Variants in QKI observed in about 807,000 individuals in gnomAD.
The protein encoded by QKI is QKI, KH domain containing RNA binding.
Under a neutral mutation model 39.0 loss-of-function variants are expected in QKI, and 10 were observed. The observed-to-expected ratio is 0.26, with a 90% CI of 0.16 to 0.43. The LOEUF is 0.43. QKI is among the 20% of genes least tolerant of loss of function. The pLI is 1.00. For missense variants in QKI, 218 were observed against 428.0 expected (o/e 0.51, Z 4.33); for synonymous variants, 204 against 155.4 (o/e 1.31, Z -2.33).
intron 1 of QKI, among the ~76,000 whole-genome samples, chr6:163,447,666 C>G (rs879610387): frequency 1.3e-5 from 2 of 151,930 alleles, no homozygotes; most frequent in Non-Finnish European, 2.9e-5. Context: ...TTTGAGGGGA[C>G]AGTAAAAAGG....
intron 7 of QKI, chr6:163,568,388 G>A (rs892202976): frequency 1.1e-5 from 11 of 985,152 alleles, no homozygotes; most frequent in Non-Finnish European, 1.3e-5. Context: ...AGATTTTATT[G>A]TATTTGGAAA....
Position 163,498,048 on chromosome 6 carries a change from C to T in QKI, c.402+19152C>T, listed in dbSNP as rs150974669. On this transcript the variant is annotated intron_variant, in intron 3 of 7. Transcript: ENST00000361752. ...TACTGTATTGCTGTTAGAATAAGAA[C>T]TAAATTTTGTATGATCCTTGAAGAA... Among the ~76,000 whole-genome samples the T allele has an allele frequency of 1.8e-3, 276 of 151,956 alleles. 1 individual carries two copies. Among genetic ancestry groups the T allele is most frequent in the African/African-American group, 6.4e-3 (266 of 41,448 alleles).
chr6:163,427,355 CAAAATT>C (rs2128209674), intron 1 of QKI, among the ~76,000 whole-genome samples: 1 of 138,170 alleles, frequency 7.2e-6, no homozygotes, highest in African/African-American at 2.7e-5. Flanking sequence ...TTCAAAATAA[CAAAATT>C]AATAATATTA....
At chr6:163,535,212 G>A in intron 4 of QKI, 87 bp downstream of exon 4, 2 of 1,278,462 alleles carry the variant, frequency 1.6e-6, no homozygotes, top group South Asian at 2.3e-5. Context: ...ATAAGGAATA[G>A]GTTATTGGTT....
intron 1 of QKI, among the ~76,000 whole-genome samples, chr6:163,437,508 A>T (rs1428441526): frequency 2.6e-5 from 4 of 152,200 alleles, no homozygotes; most frequent in Admixed American, 6.5e-5. Flanking sequence ...CCCGAAATGT[A>T]GCCATAATTT....
intron 6 of QKI, chr6:163,564,867 G>A: frequency 1.4e-6 from 2 of 1,379,362 alleles, no homozygotes; most frequent in Non-Finnish European, 1.9e-6. Context: ...GCATGCTGTT[G>A]ACTTTTAGGA....
At position 163,456,862 on chromosome 6, in the gene QKI, C is replaced by T. The variant is rs139420979; in HGVS notation, c.285+1441C>T. ...AGCAGCAGGAGTTTGTGGAGCTTCT[C>T]GGTTGAGAGCCTTGCTGACATAACT... On this transcript the variant is annotated intron_variant, in intron 2 of 7. Transcript: ENST00000361752. Among the ~76,000 whole-genome samples the T allele has an allele frequency of 6.3e-3, 958 of 152,098 alleles. 14 individuals carry two copies. Among genetic ancestry groups the T allele is most frequent in the African/African-American group, 0.022 (913 of 41,486 alleles).
rs2128234292 is a variant in QKI at position 163,508,690 on chromosome 6, C to A, written c.403-26292C>A. Reference sequence around the variant, plus strand: ...GATTACAGGTATGTGCTACCACACCCAGCTAATTTTTGTATTTTAGTAGAG... The same window carrying A: ...GATTACAGGTATGTGCTACCACACCAAGCTAATTTTTGTATTTTAGTAGAG... On this transcript the variant is annotated intron_variant, in intron 3 of 7. Transcript: ENST00000361752. Among the ~76,000 whole-genome samples, 2 of 151,766 alleles carry A rather than the reference C, an allele frequency of 1.3e-5. 1 individual carries two copies. Among genetic ancestry groups the A allele is most frequent in the African/African-American group, 4.8e-5 (2 of 41,488 alleles).
chr6:163,547,246 T>C (rs1011620527), intron 4 of QKI, among the ~76,000 whole-genome samples: 5 of 152,228 alleles, frequency 3.3e-5, no homozygotes, highest in Admixed American at 2.0e-4. Context: ...CAAACTTCTA[T>C]TGAAAAACTG....
chr6:163,542,463 A>G (rs7760526), intron 4 of QKI, among the ~76,000 whole-genome samples: 6,513 of 152,114 alleles, frequency 0.043, 157 homozygotes, highest in Middle Eastern at 0.082. Context: ...TGTTTTCACT[A>G]TAATTTTCCC....
At chr6:163,539,315 GT>G (rs904182568) in intron 4 of QKI, among the ~76,000 whole-genome samples, 121 of 151,982 alleles carry the variant, frequency 8.0e-4, no homozygotes, top group Non-Finnish European at 1.4e-3. Flanking sequence ...CAGTCAATTT[GT>G]TTTTTTTGGA....
chr6:163,466,318 A>C (rs1265636443), intron 2 of QKI, among the ~76,000 whole-genome samples: 1 of 152,180 alleles, frequency 6.6e-6, no homozygotes, highest in African/African-American at 2.4e-5. Context: ...AAATTTCCAT[A>C]CTTCCCAAAG....
In QKI at chr6:163,576,518, T is replaced by C. The variant is rs188929577; in HGVS notation, c.*5808T>C. The C allele has an allele frequency of 1.3e-5, 2 of 152,220 alleles. No homozygotes were observed. The highest frequency in any genetic ancestry group is 6.5e-5 in the Admixed American group (1 of 15,296). 9.4% of individuals were successfully genotyped at this position (152,220 alleles called of 1,614,324 possible). ...AGTTTTTATTACCAAATATATCTTT[T>C]ATGGTTTATATTGTAGTGGTATGTA... On this transcript the variant is annotated 3_prime_UTR_variant, in exon 8 of 8. Coordinates refer to ENST00000361752, the MANE Select transcript of QKI (RefSeq NM_006775.3).
chr6:163,551,168 G>A (rs896471452), intron 4 of QKI, among the ~76,000 whole-genome samples: 1 of 152,072 alleles, frequency 6.6e-6, no homozygotes, highest in Non-Finnish European at 1.5e-5. Context: ...TCACAACACC[G>A]AGTGCTTCTG....
At chr6:163,446,350 C>T (rs759881365) in intron 1 of QKI, among the ~76,000 whole-genome samples, 21 of 152,102 alleles carry the variant, frequency 1.4e-4, no homozygotes, top group Admixed American at 5.2e-4. Flanking sequence ...CTTGGGTACC[C>T]GTTTCCATTG....
At chr6:163,443,690 T>C (rs1036785939) in intron 1 of QKI, among the ~76,000 whole-genome samples, 3 of 152,266 alleles carry the variant, frequency 2.0e-5, no homozygotes, top group Non-Finnish European at 4.4e-5. Flanking sequence ...GTGACAGACA[T>C]GTATTTGCTT....
chr6:163,538,004 C>G (rs1023789118), intron 4 of QKI, among the ~76,000 whole-genome samples: 1 of 149,788 alleles, frequency 6.7e-6, no homozygotes, highest in African/African-American at 2.4e-5. Context: ...TTACTTTTTG[C>G]TATACCTAAA....
At chr6:163,436,539 T>G in intron 1 of QKI, among the ~76,000 whole-genome samples, 1 of 151,934 alleles carries the variant, frequency 6.6e-6, no homozygotes, top group East Asian at 1.9e-4. Flanking sequence ...AATGGCAAGG[T>G]GCGGTGGCTC....
chr6:163,544,049 A>G (rs1268588041), intron 4 of QKI, among the ~76,000 whole-genome samples: 3 of 152,082 alleles, frequency 2.0e-5, no homozygotes, highest in Non-Finnish European at 4.4e-5. Context: ...TTTGGAAAAT[A>G]AATAAGATAC....
Sources: gnomAD v4.1 joint callset for allele counts (sites outside exome capture counted in the v4.1 genomes callset) on GRCh38, gnomAD v4.1.1 for gene constraint, MANE v1.5 for transcripts, NCBI Gene and HGNC (gene_info 2026-07-23, HGNC 2026-07-21) for gene names.